The following EPHA3 variants were observed in gnomAD, a reference collection of about 807,000 sequenced individuals.
EPHA3 encodes the protein ephrin type-A receptor 3.
A neutral mutation model predicts 107.1 loss-of-function variants in EPHA3; 42 were observed. That is an observed-to-expected ratio of 0.39 (90% CI 0.31 to 0.51). EPHA3 has a LOEUF of 0.51. Ranked by LOEUF, EPHA3 falls within the 20% of genes least tolerant of loss-of-function variation. The probability of loss-of-function intolerance (pLI) is 0.78; values close to 1 mark genes in which losing one functional copy is unlikely to be tolerated. For missense variants in EPHA3, 1,183 were observed against 1,211.2 expected, an observed-to-expected ratio of 0.98 and a Z score of 0.35; for synonymous variants, 461 against 424.8, an observed-to-expected ratio of 1.09 and a Z score of -1.05.
chr3:89,430,029 G>A (rs1334653705), intron 12 of EPHA3, among the ~76,000 whole-genome samples: 1 of 152,086 alleles, frequency 6.6e-6, no homozygotes, highest in Non-Finnish European at 1.5e-5. Flanking sequence ...CTCCCAAATT[G>A]CTAGGATTAC....
chr3:89,345,093 T>A (rs142893050), intron 5 of EPHA3, among the ~76,000 whole-genome samples: 1 of 151,106 alleles, frequency 6.6e-6, no homozygotes, highest in East Asian at 1.9e-4. Context: ...ACAAAAACAA[T>A]CATTCCACTA....
chr3:89,121,615 G>A (rs1010941379), intron 1 of EPHA3, among the ~76,000 whole-genome samples: 6 of 151,964 alleles, frequency 3.9e-5, no homozygotes, highest in Non-Finnish European at 8.8e-5. Context: ...AAATTAGCTG[G>A]GTGTGGTGGC....
intron 9 of EPHA3, among the ~76,000 whole-genome samples, chr3:89,412,242 T>G (rs1709169022): frequency 6.6e-6 from 1 of 151,714 alleles, no homozygotes; most frequent in African/African-American, 2.4e-5. Context: ...TAATATTAAA[T>G]CAAATTAAAA....
At chr3:89,369,744 C>T (rs1252531199) in intron 5 of EPHA3, among the ~76,000 whole-genome samples, 5 of 147,808 alleles carry the variant, frequency 3.4e-5, no homozygotes, top group South Asian at 2.1e-4. Flanking sequence ...AGAAAATTTT[C>T]GCAACCTACT....
chr3:89,231,533 G>A (rs1282234303), intron 3 of EPHA3, among the ~76,000 whole-genome samples: 2 of 152,068 alleles, frequency 1.3e-5, no homozygotes, highest in Admixed American at 6.6e-5. Context: ...GTGTGTGTAT[G>A]TTTGTTTGCG....
intron 3 of EPHA3, among the ~76,000 whole-genome samples, chr3:89,299,443 A>G (rs942321422): frequency 5.3e-5 from 8 of 151,998 alleles, no homozygotes; most frequent in African/African-American, 1.9e-4. Context: ...AGAAAAATGT[A>G]ACATCCATAG....
chr3:89,152,975 A>T (rs1368640034), intron 2 of EPHA3, among the ~76,000 whole-genome samples: 1 of 152,084 alleles, frequency 6.6e-6, no homozygotes, highest in Non-Finnish European at 1.5e-5. Flanking sequence ...CATAAATATC[A>T]TGTGTGTATT....
rs1347519802 is a variant in EPHA3, at chr3:89,210,025, A to C, written c.319A>C (p.Asn107His). 1.1e-5 allele frequency: 17 copies of C among 1,613,944 alleles called. No individual in the cohort carries two copies. Among genetic ancestry groups the C allele is most frequent in the Admixed American group, 1.7e-5 (1 of 59,972 alleles). The change falls in exon 3 of 17, where the codon AAT becomes CAT. Residue 107 changes from asparagine to histidine, a missense_variant. Coordinates refer to ENST00000336596, the MANE Select transcript of EPHA3 (RefSeq NM_005233.6). Reference protein sequence around the residue: ...VELKFTLRDCNSIPLVLGTCK... With the variant: ...VELKFTLRDCHSIPLVLGTCK... Reference sequence around the variant, plus strand: ...GCTCAAGTTCACTCTACGAGACTGCAATAGCATTCCATTGGTTTTAGGAAC... The same window carrying C: ...GCTCAAGTTCACTCTACGAGACTGCCATAGCATTCCATTGGTTTTAGGAAC...
At chr3:89,393,868 A>G (rs1708793448) in intron 5 of EPHA3, among the ~76,000 whole-genome samples, 1 of 152,208 alleles carries the variant, frequency 6.6e-6, no homozygotes, top group Non-Finnish European at 1.5e-5. Flanking sequence ...AGCTTCAACT[A>G]AAGTATAAGA....
intron 5 of EPHA3, among the ~76,000 whole-genome samples, chr3:89,353,260 G>T (rs2107445838): frequency 6.6e-6 from 1 of 151,320 alleles, no homozygotes; most frequent in African/African-American, 2.4e-5. Flanking sequence ...AACACCAAAA[G>T]GATCTACATG....
chr3:89,265,611 A>G (rs1014112161), intron 3 of EPHA3, among the ~76,000 whole-genome samples: 1 of 152,156 alleles, frequency 6.6e-6, no homozygotes, highest in Non-Finnish European at 1.5e-5. Flanking sequence ...TCAAATAAAT[A>G]TAATCTGATT....
chr3:89,266,576 T>C (rs1397385127), intron 3 of EPHA3, among the ~76,000 whole-genome samples: 3 of 152,126 alleles, frequency 2.0e-5, no homozygotes, highest in African/African-American at 7.2e-5. Flanking sequence ...ATAAATTAAC[T>C]CTCAATTTTT....
chr3:89,471,562 C>T (rs1195023407), intron 15 of EPHA3, among the ~76,000 whole-genome samples: 2 of 152,052 alleles, frequency 1.3e-5, no homozygotes, highest in African/African-American at 4.8e-5. Flanking sequence ...TGGAGTTTCT[C>T]CATGTTGGTG....
chr3:89,149,582 C>A (rs1235268495), intron 2 of EPHA3, among the ~76,000 whole-genome samples: 1 of 151,656 alleles, frequency 6.6e-6, no homozygotes, highest in Non-Finnish European at 1.5e-5. Context: ...GTGCTGCACC[C>A]ATTAACTCAT....
rs1308637563 is a variant in EPHA3 at position 89,271,238 on chromosome 3, A to G, written c.814+60718A>G. On this transcript the variant is annotated intron_variant, in intron 3 of 16. Transcript: ENST00000336596. ...ATAAAGTCACTGTATTACCTTTTGT[A>G]TAAGCAAGAAACCACAAGAAAAGCC... is the stretch of plus-strand genomic sequence containing the variant. 2.0e-5 allele frequency among the ~76,000 whole-genome samples: 3 copies of G among 152,074 alleles called. No homozygotes were observed. The East Asian group carries it at 5.8e-4, about 29-fold the overall frequency.
At chr3:89,124,661 G>T (rs1704052764) in intron 1 of EPHA3, among the ~76,000 whole-genome samples, 2 of 151,974 alleles carry the variant, frequency 1.3e-5, no homozygotes, top group Admixed American at 1.3e-4. Flanking sequence ...CGAGAAGGAA[G>T]TCTGTACAGC....
At chr3:89,184,834 T>C (rs1204726790) in intron 2 of EPHA3, among the ~76,000 whole-genome samples, 1 of 151,928 alleles carries the variant, frequency 6.6e-6, no homozygotes, top group Non-Finnish European at 1.5e-5. Context: ...ATAGCAGCAG[T>C]GATATTAGAA....
At chr3:89,224,024 G>T (rs750055385) in intron 3 of EPHA3, among the ~76,000 whole-genome samples, 3 of 151,806 alleles carry the variant, frequency 2.0e-5, no homozygotes, top group Non-Finnish European at 2.9e-5. Flanking sequence ...TTATTTTATC[G>T]ATCAATATTT....
At chr3:89,110,253 G>T (rs1553702619) in intron 1 of EPHA3, among the ~76,000 whole-genome samples, 1 of 151,820 alleles carries the variant, frequency 6.6e-6, no homozygotes, top group Non-Finnish European at 1.5e-5. Flanking sequence ...ATATTTACTA[G>T]AATATATTCT....
Sources: allele counts gnomAD v4.1 joint callset (sites outside exome capture counted in the v4.1 genomes callset), GRCh38; gene constraint gnomAD v4.1.1; transcripts MANE v1.5; gene names NCBI Gene and HGNC (gene_info 2026-07-23, HGNC 2026-07-21).